The following DISP2 variants were observed in gnomAD, a reference collection of about 807,000 sequenced individuals.
DISP2 encodes protein dispatched homolog 2.
A neutral mutation model predicts 95.5 loss-of-function variants in DISP2; 59 were observed. The ratio of observed to expected loss-of-function variants is 0.62; its 90% CI spans 0.50 to 0.77. DISP2 has a LOEUF of 0.77. DISP2 is among the 30% of genes least tolerant of loss of function. DISP2 has a pLI of 0.00. For synonymous variants in DISP2, 827 were observed against 815.0 expected (o/e 1.01, Z -0.25); for missense variants, 1,752 against 1,854.6 (o/e 0.94, Z 1.02).
rs753346991 is a variant in DISP2 at position 40,367,563 on chromosome 15, TC to T, written c.1453del (p.Leu485TrpfsTer67). ...LGLKQELLRH[F>X]LVQDTVYPLL... ...CTCAAGCAGGAGCTGCTGAGGCACT[TC>T]CTGGTCCAGGACACGGTGTACCCCT... is the stretch of plus-strand genomic sequence containing the variant. On this transcript the variant is annotated frameshift_variant, in exon 8 of 8. Transcript: ENST00000267889. LOFTEE classifies it high-confidence loss of function. The T allele has an allele frequency of 3.7e-5, 59 of 1,613,834 alleles. No individual in the cohort carries two copies. The highest frequency in any genetic ancestry group is 3.4e-5 in the Non-Finnish European group (40 of 1,180,018).
chr15:40,369,397 C>A lies in DISP2; in HGVS notation c.3285C>A (p.Val1095=). The change falls in exon 8 of 8, where the codon GTC becomes GTA. Residue 1095 remains valine, a synonymous_variant. Transcript: ENST00000267889. ...YRKLGIILMM[V]KCVSCGFASF... is the part of the protein sequence containing the mutation. ...AGCTGGGCATCATCCTCATGATGGTCAAATGCGTCAGTTGTGGCTTTGCCA... is the reference window on the plus strand; with the variant it reads ...AGCTGGGCATCATCCTCATGATGGTAAAATGCGTCAGTTGTGGCTTTGCCA... 2 of 1,613,626 alleles carry A rather than the reference C, an allele frequency of 1.2e-6. No homozygotes were observed. The highest frequency in any genetic ancestry group is 2.2e-5 in the South Asian group (2 of 91,044).
In DISP2 at chr15:40,375,880, TG is replaced by T. The variant is rs1889725481; in HGVS notation, c.*5563del. On this transcript the variant is annotated 3_prime_UTR_variant, in exon 8 of 8. Transcript: ENST00000267889. ...CCTAAGAAGCCACAGGCCTGACAGCTGTCCTTCCCAACTTCCACTTTCCCAG... is the reference window on the plus strand; with the variant it reads ...CCTAAGAAGCCACAGGCCTGACAGCTTCCTTCCCAACTTCCACTTTCCCAG... 6.6e-6 allele frequency: 1 copy of T among 152,378 alleles called. No homozygotes were observed. Among genetic ancestry groups the T allele is most frequent in the Admixed American group, 6.5e-5 (1 of 15,276 alleles). 9.4% of individuals were successfully genotyped at this position (152,378 alleles called of 1,614,324 possible).
At position 40,365,265 on chromosome 15, in the gene DISP2, G is replaced by C. The variant is rs374603951; in HGVS notation, c.838G>C (p.Gly280Arg). The C allele has an allele frequency of 6.2e-7, 1 of 1,613,632 alleles. No individual in the cohort carries two copies. The highest frequency in any genetic ancestry group is 1.3e-5 in the African/African-American group (1 of 74,920). The change falls in exon 6 of 8, where the codon GGC becomes CGC. Residue 280 changes from glycine (G) to arginine (R), a missense_variant. Coordinates refer to ENST00000267889, the MANE Select transcript of DISP2 (RefSeq NM_033510.3). ...EDRRQENFFC[G>R]PPEKSYAKLV... Reference sequence around the variant, plus strand: ...CAGAAGGCAAGAGAACTTCTTCTGTGGCCCCCCTGGTAAGCTGCAGCCTGG... The same window carrying C: ...CAGAAGGCAAGAGAACTTCTTCTGTCGCCCCCCTGGTAAGCTGCAGCCTGG...
At position 40,365,683 on chromosome 15, in the gene DISP2, C is replaced by T. The variant is rs750207488; in HGVS notation, c.903C>T (p.Asn301=). Residue 301 remains asparagine, a synonymous_variant, in exon 7 of 8, where the codon AAC becomes AAT. Coordinates refer to ENST00000267889, the MANE Select transcript of DISP2 (RefSeq NM_033510.3). ...CCACCTCCTCGGGCAGCCTATGGAA[C>T]CTGCATGCCATCCATTCCATGTGTC... The part of the protein sequence containing the change: ...FMSTSSGSLW[N]LHAIHSMCRM... The T allele has an allele frequency of 6.2e-7, 1 of 1,614,108 alleles. No homozygotes were observed. Among genetic ancestry groups the T allele is most frequent in the South Asian group, 1.1e-5 (1 of 91,080 alleles).
chr15:40,363,464 G>A (rs73397394), intron 1 of DISP2, among the ~76,000 whole-genome samples, 161 bp from the exon 2 acceptor site: 2 of 152,122 alleles, frequency 1.3e-5, no homozygotes, highest in Non-Finnish European at 2.9e-5. Context: ...CGCAGACTTC[G>A]AGCCCCTGGC....
At position 40,368,635 on chromosome 15, in the gene DISP2, C is replaced by G; in HGVS notation, c.2523C>G (p.Leu841=). Residue 841 remains leucine, a synonymous_variant, in exon 8 of 8, where the codon CTC becomes CTG. Transcript: ENST00000267889. The part of the protein sequence containing the change: ...GWPTLCFVET[L]QRWMESPSCA... ...CCACGCTGTGTTTCGTGGAGACCCTCCAGCGCTGGATGGAGAGCCCCAGCT... is the reference window on the plus strand; with the variant it reads ...CCACGCTGTGTTTCGTGGAGACCCTGCAGCGCTGGATGGAGAGCCCCAGCT... The G allele has an allele frequency of 6.2e-7, 1 of 1,609,384 alleles. No homozygotes were observed. The highest frequency in any genetic ancestry group is 1.1e-5 in the South Asian group (1 of 91,092).
chr15:40,364,152 C>G, intron 2 of DISP2, 74 bp from the exon 3 acceptor site: 4 of 1,606,298 alleles, frequency 2.5e-6, no homozygotes, highest in Non-Finnish European at 3.4e-6. Flanking sequence ...CCACTCCCAC[C>G]CCACCTCCAC....
Position 40,370,142 on chromosome 15 carries a change from C to G in DISP2, c.4030C>G (p.Leu1344Val). The change falls in exon 8 of 8, where the codon CTG (leucine) becomes GTG (valine). Residue 1344 changes from leucine (L) to valine (V), a missense_variant. By Grantham distance (32) the Leu-to-Val change is conservative. Coordinates refer to ENST00000267889, the MANE Select transcript of DISP2 (RefSeq NM_033510.3). ...GAAGCGGGACACCCTGTGGCTGGCG[C>G]TGAGGGAGACAGTGTATGACCCATC... ...NGKRDTLWLALRETVYDPSLP... is the reference protein window; with the variant it reads ...NGKRDTLWLAVRETVYDPSLP... The G allele has an allele frequency of 6.2e-7, 1 of 1,609,448 alleles. No homozygotes were observed. The highest frequency in any genetic ancestry group is 1.1e-5 in the South Asian group (1 of 90,468).
chr15:40,363,738 C>T lies in DISP2; in HGVS notation c.233C>T (p.Thr78Ile), dbSNP rs1225882724. ...SSSGPPPTTS[T>I]LQPVGPSSPL... ...TCAGGACCCCCACCAACAACTTCCA[C>T]CCTCCAGCCTGTGGGTCCATCCAGC... Residue 78 changes from threonine to isoleucine, a missense_variant, in exon 2 of 8, where the codon ACC becomes ATC. Coordinates refer to ENST00000267889, the MANE Select transcript of DISP2 (RefSeq NM_033510.3). 1.9e-6 allele frequency: 3 copies of T among 1,613,796 alleles called. No individual in the cohort carries two copies. The highest frequency in any genetic ancestry group is 1.7e-6 in the Non-Finnish European group (2 of 1,179,848).
intron 1 of DISP2, 55 bp downstream of exon 1, chr15:40,358,495 C>A: frequency 5.2e-6 from 6 of 1,143,716 alleles, no homozygotes; most frequent in Non-Finnish European, 6.6e-6. Flanking sequence ...ACCCTCCCCG[C>A]CCCAGGTATC....
Position 40,363,712 on chromosome 15 carries a change from T to C in DISP2, c.207T>C (p.Ser69=). Reference sequence around the variant, plus strand: ...GCCCCCTGGAGGACCCTTCCAGCTCTTCAGGACCCCCACCAACAACTTCCA... The same window carrying C: ...GCCCCCTGGAGGACCCTTCCAGCTCCTCAGGACCCCCACCAACAACTTCCA... ...HSCPLEDPSS[S]SGPPPTTSTL... The change falls in exon 2 of 8, where the codon TCT becomes TCC. Residue 69 remains serine, a synonymous_variant. Coordinates refer to ENST00000267889, the MANE Select transcript of DISP2 (RefSeq NM_033510.3). 1.2e-6 allele frequency: 2 copies of C among 1,612,364 alleles called. No individual in the cohort carries two copies. Among genetic ancestry groups the C allele is most frequent in the East Asian group, 2.2e-5 (1 of 44,824 alleles).
At position 40,375,254 on chromosome 15, in the gene DISP2, C is replaced by T. The variant is rs1889715114; in HGVS notation, c.*4936C>T. On this transcript the variant is annotated 3_prime_UTR_variant, in exon 8 of 8. Coordinates refer to ENST00000267889, the MANE Select transcript of DISP2 (RefSeq NM_033510.3). ...AAATTTCTCATAATTATTATCGGGC[C>T]TCTTTGTGATTACTCACATTTTTCT... 1 of 152,188 alleles carries T rather than the reference C, an allele frequency of 6.6e-6. No homozygotes were observed. The highest frequency in any genetic ancestry group is 1.5e-5 in the Non-Finnish European group (1 of 68,030). 9.4% of individuals were successfully genotyped at this position (152,188 alleles called of 1,614,324 possible).
rs1214675361 is a variant in DISP2 at position 40,370,187 on chromosome 15, A to G, written c.4075A>G (p.Ser1359Gly). ...YDPSLPASHH[S>G]SLSWKGRGGP... is the part of the protein sequence containing the mutation. Reference sequence around the variant, plus strand: ...CCCATCATTGCCCGCTTCCCATCACAGCAGCTTGTCCTGGAAGGGCCGAGG... The same window carrying G: ...CCCATCATTGCCCGCTTCCCATCACGGCAGCTTGTCCTGGAAGGGCCGAGG... Residue 1359 changes from serine (S) to glycine (G), a missense_variant, in exon 8 of 8, where the codon AGC becomes GGC. Transcript: ENST00000267889. The G allele has an allele frequency of 2.5e-6, 4 of 1,612,192 alleles. No homozygotes were observed. In the Admixed American group the frequency reaches 6.7e-5, roughly 27 times the overall value.
Position 40,367,393 on chromosome 15 carries a change from C to T in DISP2, c.1281C>T (p.Asp427=). The change falls in exon 8 of 8, where the codon GAC becomes GAT. Residue 427 remains aspartate, a synonymous_variant. Transcript: ENST00000267889. The stretch of plus-strand genomic sequence containing the variant: ...ACTTTCTGAGTCCCCAGACCACTGA[C>T]TACCAGGTGCCTTCCCTCAAGTACA... The part of the protein sequence containing the change: ...DRDFLSPQTT[D]YQVPSLKYSL... 7.4e-6 allele frequency: 12 copies of T among 1,613,660 alleles called. No homozygotes were observed. Among genetic ancestry groups the T allele is most frequent in the Non-Finnish European group, 9.3e-6 (11 of 1,179,964 alleles).
In DISP2 at chr15:40,378,045, A is replaced by G. The variant is rs1273825497; in HGVS notation, c.*7727A>G. The G allele has an allele frequency of 6.6e-6, 1 of 152,232 alleles. No homozygotes were observed. The highest frequency in any genetic ancestry group is 2.4e-5 in the African/African-American group (1 of 41,466). 9.4% of individuals were successfully genotyped at this position (152,232 alleles called of 1,614,324 possible). A position where few individuals can be genotyped will look rare whatever the true frequency, so the allele number is the denominator to read the frequency against. On this transcript the variant is annotated 3_prime_UTR_variant, in exon 8 of 8. Transcript: ENST00000267889. ...GTATCCCAGAACAAAACCCAAGAAC[A>G]TTAACAGAAATCCAAAATTAACGAG...
At position 40,370,412 on chromosome 15, in the gene DISP2, G is replaced by T; in HGVS notation, c.*94G>T. On this transcript the variant is annotated 3_prime_UTR_variant, in exon 8 of 8. Transcript: ENST00000267889. ...GCTGGAGCCCGAAGGTATTTCTCCA[G>T]ATCCACAGGGAGAGGTCTCACCCTC... 3 of 1,486,574 alleles carry T rather than the reference G, an allele frequency of 2.0e-6. No homozygotes were observed. The highest frequency in any genetic ancestry group is 1.4e-5 in the African/African-American group (1 of 71,602). The allele number at this position is 1,486,574 out of a possible 1,614,324, so 92.1% of individuals were successfully genotyped here.
rs1314847072 is a variant in DISP2 at position 40,370,463 on chromosome 15, G to C, written c.*145G>C. The C allele has an allele frequency of 7.6e-7, 1 of 1,323,014 alleles. No individual in the cohort carries two copies. The highest frequency in any genetic ancestry group is 1.0e-6 in the Non-Finnish European group (1 of 980,700). 82.0% of individuals were successfully genotyped at this position (1,323,014 alleles called of 1,614,324 possible). The stretch of plus-strand genomic sequence containing the variant: ...CAGCTGTGGATGTTAAACCCTGCCA[G>C]ATGTCCCAGCCTTGATCTGTCTGCT... On this transcript the variant is annotated 3_prime_UTR_variant, in exon 8 of 8. Coordinates refer to ENST00000267889, the MANE Select transcript of DISP2 (RefSeq NM_033510.3).
chr15:40,368,094 A>G lies in DISP2; in HGVS notation c.1982A>G (p.Glu661Gly). Residue 661 changes from glutamate to glycine, a missense_variant, in exon 8 of 8, where the codon GAG (glutamate) becomes GGG (glycine). By Grantham distance (98) the Glu-to-Gly change is moderately conservative. This residue lies in a region of DISP2 where 732 missense variants were observed against 714.6 expected (regional missense o/e 1.02). Transcript: ENST00000267889. ...GCARRARGRWEGSAPRRLLLA... is the reference protein window; with the variant it reads ...GCARRARGRWGGSAPRRLLLA... ...GCGCGCCGGGCGCGGGGCCGGTGGG[A>G]GGGCAGCGCGCCCCGGCGGCTACTG... 2 of 1,345,296 alleles carry G rather than the reference A, an allele frequency of 1.5e-6. No individual in the cohort carries two copies. Among genetic ancestry groups the G allele is most frequent in the Non-Finnish European group, 1.9e-6 (2 of 1,058,326 alleles). The allele number at this position is 1,345,296 out of a possible 1,614,324, so 83.3% of individuals were successfully genotyped here. A position where few individuals can be genotyped will look rare whatever the true frequency, so the allele number is the denominator to read the frequency against.
chr15:40,368,355 G>T lies in DISP2; in HGVS notation c.2243G>T (p.Arg748Leu). The change falls in exon 8 of 8, where the codon CGC becomes CTC. Residue 748 changes from arginine (R) to leucine (L), a missense_variant. By Grantham distance (102) the Arg-to-Leu change is moderately radical. Coordinates refer to ENST00000267889, the MANE Select transcript of DISP2 (RefSeq NM_033510.3). ...TTCCGGCCCAGCCACCCCTTCGAGC[G>T]CTTCGACGCGGAGTATCGCCAGCTG... is the stretch of plus-strand genomic sequence containing the variant. ...QVFRPSHPFE[R>L]FDAEYRQLFL... The T allele has an allele frequency of 1.2e-6, 2 of 1,605,710 alleles. No individual in the cohort carries two copies. The highest frequency in any genetic ancestry group is 1.7e-6 in the Non-Finnish European group (2 of 1,178,692).
Sources: gnomAD v4.1 joint callset for allele counts (sites outside exome capture counted in the v4.1 genomes callset) on GRCh38, gnomAD v4.1.1 for gene constraint, gnomAD v4.1.1 regional missense constraint, MANE v1.5 for transcripts, NCBI Gene and HGNC (gene_info 2026-07-23, HGNC 2026-07-21) for gene names.